Variants in ARFGEF1 observed in about 807,000 individuals in gnomAD.
The protein encoded by ARFGEF1 is ARF guanine nucleotide exchange factor 1.
In ARFGEF1, 42 loss-of-function variants were observed where a neutral mutation model predicts 231.0. The observed-to-expected ratio is 0.18, with a 90% CI of 0.14 to 0.24. The LOEUF (loss-of-function observed/expected upper bound fraction) is 0.24. Ranked by LOEUF, ARFGEF1 falls within the 10% of genes least tolerant of loss-of-function variation. ARFGEF1 has a pLI of 1.00. For missense variants in ARFGEF1, 1,345 were observed against 2,192.0 expected, an observed-to-expected ratio of 0.61 and a Z score of 7.72; for synonymous variants, 710 against 732.3, an observed-to-expected ratio of 0.97 and a Z score of 0.49.
chr8:67,275,876 T>C (rs1209457076), intron 9 of ARFGEF1, 100 bp downstream of exon 9: 3 of 1,476,578 alleles, frequency 2.0e-6, no homozygotes, highest in Non-Finnish European at 2.7e-6. Flanking sequence ...TTTATGGTTC[T>C]ATAGGACAAA....
chr8:67,294,564 G>A (rs977392035), intron 5 of ARFGEF1, among the ~76,000 whole-genome samples: 1 of 152,062 alleles, frequency 6.6e-6, no homozygotes, highest in Non-Finnish European at 1.5e-5. Flanking sequence ...TAATAGGATT[G>A]AACAATCAAT....
At chr8:67,263,775 GAATTAT>G (rs1392694647) in intron 14 of ARFGEF1, among the ~76,000 whole-genome samples, 2 of 152,080 alleles carry the variant, frequency 1.3e-5, no homozygotes, top group African/African-American at 4.8e-5. Flanking sequence ...CAATTTTAAA[GAATTAT>G]AATACTAAAA....
At chr8:67,311,623 GC>G (rs1308506799) in intron 1 of ARFGEF1, among the ~76,000 whole-genome samples, 71 of 144,990 alleles carry the variant, frequency 4.9e-4, no homozygotes, top group African/African-American at 1.2e-3. Flanking sequence ...GGGGGGGTCA[GC>G]CCCCCCGCCC....
rs59504632 is a variant in ARFGEF1 at position 67,186,970 on chromosome 8, C to CATCTATCTATCTATCTATCT, written c.561-11418_561-11399dup. Among the ~76,000 whole-genome samples, 3 of 149,870 alleles carry CATCTATCTATCTATCTATCT rather than the reference C, an allele frequency of 2.0e-5. No individual in the cohort carries two copies. In the East Asian group the frequency reaches 6.0e-4, roughly 30 times the overall value. ...AATACTGAGGTATAAATCTATCTAT[C>CATCTATCTATCTATCTATCT]ATCTATCTATCTATCTATCTATCTA... On this transcript the variant is annotated intron_variant, in intron 5 of 5. Transcript: ENST00000518789.
chr8:67,342,385 T>G (rs1587360865), intron 1 of ARFGEF1, among the ~76,000 whole-genome samples: 1 of 152,310 alleles, frequency 6.6e-6, no homozygotes, highest in African/African-American at 2.4e-5. Context: ...AATTCAAGCT[T>G]GAGAGCAGCT....
intron 1 of ARFGEF1, among the ~76,000 whole-genome samples, chr8:67,315,645 A>G (rs1807276997): frequency 6.6e-6 from 1 of 152,212 alleles, no homozygotes; most frequent in African/African-American, 2.4e-5. Context: ...TGTGTTCTCT[A>G]CCAAAATGAA....
In ARFGEF1 at chr8:67,301,261, C is replaced by T; in HGVS notation, c.275G>A (p.Cys92Tyr). 1 of 1,613,816 alleles carries T rather than the reference C, an allele frequency of 6.2e-7. No homozygotes were observed. Among genetic ancestry groups the T allele is most frequent in the Non-Finnish European group, 8.5e-7 (1 of 1,179,930 alleles). The change falls in exon 3 of 39, where the codon TGT becomes TAT. Residue 92 changes from cysteine to tyrosine, a missense_variant. Around this residue, in one of 14 missense-constraint regions of ARFGEF1, gnomAD observed 398 missense variants for 463.2 expected, o/e 0.86. Coordinates refer to ENST00000262215, the MANE Select transcript of ARFGEF1 (RefSeq NM_006421.5). The part of the protein sequence containing the change: ...LPFELACQSK[C>Y]PRIVSTSLDC... ...TAGAGATGTACTAACTATGCGAGGA[C>T]ATTTGGACTGGCATGCCAACTCAAA... is the stretch of plus-strand genomic sequence containing the variant.
chr8:67,191,147 A>G (rs1452286484), intron 5 of ARFGEF1, among the ~76,000 whole-genome samples: 3 of 152,228 alleles, frequency 2.0e-5, no homozygotes, highest in Non-Finnish European at 4.4e-5. Flanking sequence ...TGCCAAGGTC[A>G]CATGGGCAAG....
rs1283302918 is a variant in ARFGEF1 at position 67,256,759 on chromosome 8, G to A, written c.2526+973C>T. Among the ~76,000 whole-genome samples, 13 of 152,142 alleles carry A rather than the reference G, an allele frequency of 8.5e-5. No individual in the cohort carries two copies. In the South Asian group the frequency reaches 1.0e-3, roughly 12 times the overall value. ...TTTAAGTAGGTATCAGAAATCAAGT[G>A]ACAGTTCTTCAATATTTAAGAAGTA... is the stretch of plus-strand genomic sequence containing the variant. On this transcript the variant is annotated intron_variant, in intron 17 of 38. Transcript: ENST00000262215.
rs867964615 is a variant in ARFGEF1, at chr8:67,339,773, G to T, written c.124+3391C>A. Among the ~76,000 whole-genome samples, 37 of 49,546 alleles carry T rather than the reference G, an allele frequency of 7.5e-4. 1 individual carries two copies. In the South Asian group the frequency reaches 0.012, roughly 17 times the overall value. 32.5% of individuals were successfully genotyped at this position (49,546 alleles called of 152,430 possible). ...TGGGCCTGTGGGCTTCTTATCAGTT[G>T]TAACAGTGTAACAGTGTGGGGCGGG... On this transcript the variant is annotated intron_variant, in intron 1 of 38. Transcript: ENST00000262215.
At chr8:67,329,023 C>G (rs1807971005) in intron 1 of ARFGEF1, among the ~76,000 whole-genome samples, 1 of 152,020 alleles carries the variant, frequency 6.6e-6, no homozygotes, top group Admixed American at 6.6e-5. Context: ...ATCAGGAGTT[C>G]AAGACCAGCC....
rs776804405 is a variant in ARFGEF1, at chr8:67,200,518, A to G, written c.5268-5T>C. 6.5e-7 allele frequency: 1 copy of G among 1,545,052 alleles called. No individual in the cohort carries two copies. Among genetic ancestry groups the G allele is most frequent in the Non-Finnish European group, 8.9e-7 (1 of 1,118,512 alleles). On this transcript the variant is annotated splice_region_variant and splice_polypyrimidine_tract_variant and intron_variant, in intron 37 of 38. Transcript: ENST00000262215. Reference sequence around the variant, plus strand: ...CTTAGTGCTTCACTGCAGACACTGCAAAAGAAAAGGTTTCCTTTAATGTTA... The same window carrying G: ...CTTAGTGCTTCACTGCAGACACTGCGAAAGAAAAGGTTTCCTTTAATGTTA...
chr8:67,343,106 CG>C, intron 1 of ARFGEF1, 57 bp downstream of exon 1: 6 of 254,852 alleles, frequency 2.4e-5, no homozygotes, highest in East Asian at 1.7e-4. Flanking sequence ...CCCCCACAGG[CG>C]CCCCCCTCCC....
chr8:67,343,636 G>A lies in ARFGEF1; in HGVS notation c.-349C>T, dbSNP rs1006044931. On this transcript the variant is annotated 5_prime_UTR_variant, in exon 1 of 39. Transcript: ENST00000262215. ...GCCCGGCCCGGGCGGCTGTCTGCCG[G>A]GAACTGAGGGACGAGGTGGCGGCGG... 4 of 1,022,608 alleles carry A rather than the reference G, an allele frequency of 3.9e-6. No homozygotes were observed. Among genetic ancestry groups the A allele is most frequent in the Non-Finnish European group, 4.7e-6 (4 of 853,696 alleles). 63.3% of individuals were successfully genotyped at this position (1,022,608 alleles called of 1,614,324 possible).
chr8:67,337,292 T>C (rs1245000221), intron 1 of ARFGEF1, among the ~76,000 whole-genome samples: 1 of 152,092 alleles, frequency 6.6e-6, no homozygotes, highest in African/African-American at 2.4e-5. Flanking sequence ...AAAAATCTAT[T>C]TCCCAAAGGC....
At chr8:67,244,156 T>G (rs931521895) in intron 19 of ARFGEF1, among the ~76,000 whole-genome samples, 1 of 148,046 alleles carries the variant, frequency 6.8e-6, no homozygotes, top group Non-Finnish European at 1.5e-5. Context: ...GCAGAGAGAA[T>G]TGCTTGAACC....
chr8:67,326,522 TTAGG>T (rs148759892), intron 1 of ARFGEF1, among the ~76,000 whole-genome samples: 103 of 152,362 alleles, frequency 6.8e-4, no homozygotes, highest in African/African-American at 2.4e-3. Flanking sequence ...CTTTCTTAAC[TTAGG>T]TTTCTTTTTT....
chr8:67,263,223 T>A (rs1355430682), intron 14 of ARFGEF1, among the ~76,000 whole-genome samples: 3 of 152,190 alleles, frequency 2.0e-5, no homozygotes, highest in Admixed American at 6.5e-5. Context: ...CCAATTCAAA[T>A]GTTACCTCTC....
At position 67,204,871 on chromosome 8, in the gene ARFGEF1, C is replaced by A. The variant is rs754624730; in HGVS notation, c.4820-52G>T. The A allele has an allele frequency of 2.5e-6, 4 of 1,595,788 alleles. No individual in the cohort carries two copies. In the East Asian group the frequency reaches 6.7e-5, roughly 27 times the overall value. On this transcript the variant is annotated intron_variant, in intron 34 of 38. Coordinates refer to ENST00000262215, the MANE Select transcript of ARFGEF1 (RefSeq NM_006421.5). ...ATGCAAACAAAAAATTATTTTGAAT[C>A]CTTTATAATTTCCATGATATTACAA...
Sources: allele counts gnomAD v4.1 joint callset (sites outside exome capture counted in the v4.1 genomes callset), GRCh38; gene constraint gnomAD v4.1.1; regional missense constraint gnomAD v4.1.1; transcripts MANE v1.5; gene names NCBI Gene and HGNC (gene_info 2026-07-23, HGNC 2026-07-21).